The following DLGAP4 variants were observed in gnomAD, a reference collection of about 807,000 sequenced individuals.
The protein encoded by DLGAP4 is DLG associated protein 4, also known as disks large-associated protein 4.
DLGAP4 carries 18 observed loss-of-function variants against 86.9 expected under a neutral mutation model. The ratio of observed to expected loss-of-function variants is 0.21; its 90% confidence interval spans 0.14 to 0.31. The LOEUF is 0.31. DLGAP4 is among the 10% of genes least tolerant of loss of function. The pLI is 1.00. For synonymous variants in DLGAP4, 548 were observed against 574.3 expected (o/e 0.95, Z 0.65); for missense variants, 1,085 against 1,362.6 (o/e 0.80, Z 3.21).
intron 2 of DLGAP4, among the ~76,000 whole-genome samples, chr20:36,429,599 G>A (rs2033076360): frequency 6.6e-6 from 1 of 151,132 alleles, no homozygotes; most frequent in Non-Finnish European, 1.5e-5. Context: ...TAGAGATGGG[G>A]TTTCACTGTG....
chr20:36,422,439 G>A (rs2032855819), intron 2 of DLGAP4, among the ~76,000 whole-genome samples: 2 of 152,176 alleles, frequency 1.3e-5, no homozygotes, highest in South Asian at 4.1e-4. Flanking sequence ...TTAAAGGGAA[G>A]GGCCGTCAAG....
chr20:36,434,799 G>A (rs2033225012), intron 3 of DLGAP4, among the ~76,000 whole-genome samples: 1 of 152,190 alleles, frequency 6.6e-6, no homozygotes, highest in South Asian at 2.1e-4. Context: ...AGAGGGCATG[G>A]AGAATGGTGC....
At chr20:36,449,286 G>C (rs1255639921) in intron 7 of DLGAP4, among the ~76,000 whole-genome samples, 1 of 152,228 alleles carries the variant, frequency 6.6e-6, no homozygotes, top group Non-Finnish European at 1.5e-5. Context: ...GGCCCTGCTA[G>C]TCAGGCATCT....
At chr20:36,465,217 C>T (rs1320415212) in intron 7 of DLGAP4, 1 of 151,348 alleles carries the variant, frequency 6.6e-6, no homozygotes. Flanking sequence ...AGGAAAGCAC[C>T]TGTGGCTATT....
chr20:36,401,982 G>A lies in DLGAP4; in HGVS notation c.-72-29664G>A, dbSNP rs75077988. Among the ~76,000 whole-genome samples the A allele has an allele frequency of 8.8e-3, 1,335 of 152,336 alleles. 23 individuals are homozygous for A. Among genetic ancestry groups the A allele is most frequent in the African/African-American group, 0.03 (1,263 of 41,576 alleles). ...TGGAGCCGAGTGAATGACTAGGAGCGGGGTGTGAGAGAAAGCTGGAGACAG... is the reference window on the plus strand; with the variant it reads ...TGGAGCCGAGTGAATGACTAGGAGCAGGGTGTGAGAGAAAGCTGGAGACAG... On this transcript the variant is annotated intron_variant, in intron 2 of 12. Coordinates refer to ENST00000339266, the MANE Select transcript of DLGAP4 (RefSeq NM_001365621.2).
rs542902625 is a variant in DLGAP4 at position 36,406,707 on chromosome 20, C to G, written c.-72-24939C>G. Among the ~76,000 whole-genome samples, 7 of 152,258 alleles carry G rather than the reference C, an allele frequency of 4.6e-5. No homozygotes were observed. In the South Asian group the frequency reaches 1.5e-3, roughly 32 times the overall value. The stretch of plus-strand genomic sequence containing the variant: ...AGCTTTGTAACTGCAAAGTACTGTG[C>G]GCAACCCATCCCTTCCCATCCCTGA... On this transcript the variant is annotated intron_variant, in intron 2 of 12. Coordinates refer to ENST00000339266, the MANE Select transcript of DLGAP4 (RefSeq NM_001365621.2).
At chr20:36,510,277 A>AT (rs1379915477) in intron 10 of DLGAP4, among the ~76,000 whole-genome samples, 4 of 150,544 alleles carry the variant, frequency 2.7e-5, no homozygotes, top group Non-Finnish European at 5.9e-5. Flanking sequence ...ATTTAATTTT[A>AT]TTTTTTTGGC....
chr20:36,402,522 A>C (rs983294414), intron 2 of DLGAP4, among the ~76,000 whole-genome samples: 1 of 152,052 alleles, frequency 6.6e-6, no homozygotes, highest in South Asian at 2.1e-4. Context: ...TCAAGATGGG[A>C]AGATTGCTTG....
chr20:36,439,615 A>G (rs1275396), intron 4 of DLGAP4, 139 bp from the exon 5 acceptor site: 526,082 of 682,768 alleles, frequency 0.77, 204,426 homozygotes, highest in African/African-American at 0.85. Context: ...ACAGTCAAAT[A>G]CAAGCTGGTG....
At chr20:36,509,092 T>A (rs2036544212) in intron 10 of DLGAP4, among the ~76,000 whole-genome samples, 1 of 152,248 alleles carries the variant, frequency 6.6e-6, no homozygotes, top group Non-Finnish European at 1.5e-5. Context: ...TGTGAATTAC[T>A]TGTATACTCT....
At chr20:36,441,265 TC>T (rs1302993370) in intron 5 of DLGAP4, among the ~76,000 whole-genome samples, 10 of 152,204 alleles carry the variant, frequency 6.6e-5, no homozygotes, top group African/African-American at 2.4e-4. Flanking sequence ...CGGCCTCCTT[TC>T]TGCTCCTTAT....
At chr20:36,421,328 T>G (rs997923301) in intron 2 of DLGAP4, among the ~76,000 whole-genome samples, 1 of 150,352 alleles carries the variant, frequency 6.7e-6, no homozygotes, top group Non-Finnish European at 1.5e-5. Context: ...CGTGGTGACG[T>G]GTGCCTTTAA....
In DLGAP4 at chr20:36,307,337, A is replaced by C. The variant is rs2065013622; in HGVS notation, c.-304+825A>C. ...TGTGCTGGGCCTGCTGGAAGGGGAC[A>C]GGTGCTACCTGGACGTGTAATGGCC... On this transcript the variant is annotated intron_variant, in intron 1 of 12. Transcript: ENST00000339266. 2.0e-5 allele frequency among the ~76,000 whole-genome samples: 3 copies of C among 152,138 alleles called. 1 individual carries two copies. In the South Asian group the frequency reaches 6.2e-4, roughly 32 times the overall value.
chr20:36,404,653 G>A (rs1401335218), intron 2 of DLGAP4, among the ~76,000 whole-genome samples: 1 of 152,228 alleles, frequency 6.6e-6, no homozygotes, highest in Non-Finnish European at 1.5e-5. Flanking sequence ...TGCATAGATG[G>A]TGTTTCTGTG....
At chr20:36,454,544 C>T (rs1225051476) in intron 7 of DLGAP4, among the ~76,000 whole-genome samples, 1 of 152,134 alleles carries the variant, frequency 6.6e-6, no homozygotes, top group African/African-American at 2.4e-5. Flanking sequence ...CACATCCTCA[C>T]CACTGTACAT....
chr20:36,353,413 G>A (rs1019055298), intron 1 of DLGAP4, among the ~76,000 whole-genome samples: 18 of 152,246 alleles, frequency 1.2e-4, no homozygotes, highest in African/African-American at 4.3e-4. Context: ...CAGTGCCCAG[G>A]TGCGTCTTCT....
At chr20:36,381,704 C>T (rs2031398688) in intron 2 of DLGAP4, among the ~76,000 whole-genome samples, 1 of 152,134 alleles carries the variant, frequency 6.6e-6, no homozygotes, top group Non-Finnish European at 1.5e-5. Context: ...CCTTCCCTTC[C>T]CCGGGCTTCC....
intron 2 of DLGAP4, among the ~76,000 whole-genome samples, chr20:36,422,749 G>T (rs951908259): frequency 6.6e-6 from 1 of 152,190 alleles, no homozygotes; most frequent in African/African-American, 2.4e-5. Flanking sequence ...AGACACAGAG[G>T]CACCATGGAG....
chr20:36,467,063 T>TCTC (rs1569509700), intron 7 of DLGAP4, among the ~76,000 whole-genome samples: 6 of 39,368 alleles, frequency 1.5e-4, no homozygotes, highest in African/African-American at 3.7e-4. Flanking sequence ...TCTCTCTCTC[T>TCTC]CCCCCCCCCT....
Sources: gnomAD v4.1 joint callset for allele counts (sites outside exome capture counted in the v4.1 genomes callset) on GRCh38, gnomAD v4.1.1 for gene constraint, MANE v1.5 for transcripts, NCBI Gene and HGNC (gene_info 2026-07-23, HGNC 2026-07-21) for gene names.